The following NTN1 variants were observed in gnomAD, a reference collection of about 807,000 sequenced individuals.
The protein encoded by NTN1 is netrin 1.
In NTN1, 11 loss-of-function variants were observed where a neutral mutation model predicts 54.2. The ratio of observed to expected loss-of-function variants is 0.20; its 90% CI spans 0.13 to 0.34. The LOEUF (loss-of-function observed/expected upper bound fraction) is 0.34, where lower values mean the gene tolerates loss of function less well. NTN1 is among the 10% of genes least tolerant of loss of function. The probability of loss-of-function intolerance (pLI) is 1.00; values close to 1 mark genes in which losing one functional copy is unlikely to be tolerated. For synonymous variants in NTN1, 371 were observed against 382.0 expected, an observed-to-expected ratio of 0.97 and a Z score of 0.33; for missense variants, 740 against 893.1, an observed-to-expected ratio of 0.83 and a Z score of 2.18.
chr17:9,146,698 A>G (rs1253221386), intron 2 of NTN1, among the ~76,000 whole-genome samples: 2 of 152,118 alleles, frequency 1.3e-5, no homozygotes, highest in African/African-American at 4.8e-5. Context: ...TCTGATTGCT[A>G]GTGAGCTAGG....
At chr17:9,204,193 C>CTCCTTCCTTCCTTCCT (rs377435744) in intron 5 of NTN1, among the ~76,000 whole-genome samples, 4,060 of 147,106 alleles carry the variant, frequency 0.028, 67 homozygotes, top group Non-Finnish European at 0.031. Flanking sequence ...CCTTCCTTCC[C>CTCCTTCCTTCCTTCCT]TCCTTCCTTC....
intron 2 of NTN1, among the ~76,000 whole-genome samples, chr17:9,104,054 A>G (rs1182225545): frequency 2.2e-5 from 3 of 134,320 alleles, no homozygotes; most frequent in Non-Finnish European, 4.6e-5. Flanking sequence ...GTGCCACTGT[A>G]CTCCAGCCTG....
At position 9,188,665 on chromosome 17, in the gene NTN1, C is replaced by T. The variant is rs531560959; in HGVS notation, c.1411+5696C>T. ...GGAGGGGATGGCGGAAGTCGTCTGT[C>T]GTCTTCCAGCCCTTTAGCTGTGGGT... On this transcript the variant is annotated intron_variant, in intron 5 of 6. Coordinates refer to ENST00000173229, the MANE Select transcript of NTN1 (RefSeq NM_004822.3). Among the ~76,000 whole-genome samples, 4 of 152,224 alleles carry T rather than the reference C, an allele frequency of 2.6e-5. No homozygotes were observed. In the South Asian group the frequency reaches 8.3e-4, roughly 32 times the overall value.
chr17:9,183,092 C>T (rs1439845843), intron 5 of NTN1, 123 bp downstream of exon 5: 5 of 981,050 alleles, frequency 5.1e-6, no homozygotes, highest in South Asian at 2.7e-5. Flanking sequence ...GGCTCTGCTC[C>T]GTATGAGTGG....
chr17:9,005,842 G>A, the NTN1 span, among the ~76,000 whole-genome samples: 7 of 152,218 alleles, frequency 4.6e-5, no homozygotes, highest in African/African-American at 1.4e-4. Context: ...AGGCTGCCTG[G>A]ATGTTGAGTC....
At chr17:9,035,885 G>A (rs1340120121) in intron 2 of NTN1, among the ~76,000 whole-genome samples, 1 of 152,176 alleles carries the variant, frequency 6.6e-6, no homozygotes, top group African/African-American at 2.4e-5. Context: ...AGCCGGGTAT[G>A]GTGGTGCACG....
rs1358797048 is a variant in NTN1 at position 9,211,982 on chromosome 17, C to T, written c.1412-9186C>T. On this transcript the variant is annotated intron_variant, in intron 5 of 6. Coordinates refer to ENST00000173229, the MANE Select transcript of NTN1 (RefSeq NM_004822.3). The surrounding 1 kb of genome is among the most constrained non-coding windows in gnomAD (Gnocchi z 4.4). ...TCTAGACCCTTACTTCCATAGGTTG[C>T]TAAGCTCCTTGGCCAGTCCATTGCT... Among the ~76,000 whole-genome samples, 1 of 152,204 alleles carries T rather than the reference C, an allele frequency of 6.6e-6. No homozygotes were observed. Among genetic ancestry groups the T allele is most frequent in the Non-Finnish European group, 1.5e-5 (1 of 68,040 alleles).
At chr17:9,162,690 T>A in intron 2 of NTN1, 123 bp from the exon 3 acceptor site, 1 of 904,132 alleles carries the variant, frequency 1.1e-6, no homozygotes, top group Non-Finnish European at 1.7e-6. Flanking sequence ...AGCACAAGTC[T>A]GCCTGCCTGG....
chr17:9,004,527 C>G, the NTN1 span, among the ~76,000 whole-genome samples: 22 of 152,238 alleles, frequency 1.4e-4, no homozygotes, highest in African/African-American at 5.1e-4. Flanking sequence ...TGGGCACGTA[C>G]GGCCTACGGA....
chr17:9,077,611 C>T (rs545621998), intron 2 of NTN1, among the ~76,000 whole-genome samples: 249 of 152,180 alleles, frequency 1.6e-3, no homozygotes, highest in African/African-American at 5.3e-3. Context: ...ATAATAATAA[C>T]AACAAATAAA....
rs200854554 is a variant in NTN1 at position 9,022,993 on chromosome 17, A to G, written c.620A>G (p.His207Arg). The stretch of plus-strand genomic sequence containing the variant: ...CAGGAGGCCGTGTGCACCGACTCGC[A>G]CACCGACATGCGCCCGCTCTCGGGC... ...NEQEAVCTDSHTDMRPLSGGL... is the reference protein window; with the variant it reads ...NEQEAVCTDSRTDMRPLSGGL... Residue 207 changes from histidine (H) to arginine (R), a missense_variant, in exon 2 of 7, where the codon CAC becomes CGC. Transcript: ENST00000173229. 2.2e-5 allele frequency: 36 copies of G among 1,609,694 alleles called. No individual in the cohort carries two copies. In the Admixed American group the frequency reaches 5.0e-4, roughly 22 times the overall value.
intron 2 of NTN1, among the ~76,000 whole-genome samples, chr17:9,048,586 G>C (rs1293705133): frequency 6.6e-6 from 1 of 152,086 alleles, no homozygotes; most frequent in Non-Finnish European, 1.5e-5. Context: ...CTGTATCTAT[G>C]AAATGGCGTC....
chr17:9,057,527 G>T (rs1409450941), intron 2 of NTN1, among the ~76,000 whole-genome samples: 1 of 152,014 alleles, frequency 6.6e-6, no homozygotes, highest in Non-Finnish European at 1.5e-5. Flanking sequence ...TTTCACTCTG[G>T]TGAACACTCC....
At chr17:9,004,917 G>GGGGAGAT in the NTN1 span, among the ~76,000 whole-genome samples, 90 of 152,328 alleles carry the variant, frequency 5.9e-4, no homozygotes, top group Non-Finnish European at 1.1e-3. Flanking sequence ...GCGTGTCCCA[G>GGGGAGAT]GTGTGTAGGG....
At chr17:9,182,614 G>A (rs1224483477) in intron 4 of NTN1, among the ~76,000 whole-genome samples, 1 of 152,226 alleles carries the variant, frequency 6.6e-6, no homozygotes, top group Non-Finnish European at 1.5e-5. Context: ...CAAGGGTGGA[G>A]CTGAGTTGAC....
chr17:9,229,914 C>CA (rs1162733373), intron 6 of NTN1, among the ~76,000 whole-genome samples: 2 of 152,070 alleles, frequency 1.3e-5, no homozygotes, highest in Admixed American at 6.5e-5. Context: ...GTGTGGTGGG[C>CA]GGTGGTGGAT....
chr17:9,123,382 A>G (rs2092236925), intron 2 of NTN1, among the ~76,000 whole-genome samples: 1 of 152,238 alleles, frequency 6.6e-6, no homozygotes, highest in South Asian at 2.1e-4. Context: ...CATATGAAAG[A>G]TAGTAACTTT....
chr17:9,149,864 C>T (rs1027139060), intron 2 of NTN1, among the ~76,000 whole-genome samples: 1 of 151,810 alleles, frequency 6.6e-6, no homozygotes, highest in Non-Finnish European at 1.5e-5. Context: ...GGTAGGAGTT[C>T]GAGACCAGCC....
At chr17:9,236,530 G>A (rs1245990643) in intron 6 of NTN1, among the ~76,000 whole-genome samples, 1 of 152,216 alleles carries the variant, frequency 6.6e-6, no homozygotes, top group Admixed American at 6.5e-5. Flanking sequence ...GTGTAGAGGT[G>A]TTGCCAAGGG....
Sources: gnomAD v4.1 joint callset for allele counts (sites outside exome capture counted in the v4.1 genomes callset) on GRCh38, gnomAD v4.1.1 for gene constraint, Gnocchi (gnomAD v3.1) non-coding constraint, MANE v1.5 for transcripts, NCBI Gene and HGNC (gene_info 2026-07-23, HGNC 2026-07-21) for gene names.